Variants in VWA5B1 observed in about 807,000 individuals in gnomAD.
VWA5B1 encodes von Willebrand factor A domain-containing protein 5B1.
A neutral mutation model predicts 118.2 loss-of-function variants in VWA5B1; 115 were observed. The observed-to-expected ratio is 0.97, with a 90% CI of 0.84 to 1.14. VWA5B1 has a LOEUF of 1.14. Among genes scored for constraint, VWA5B1 ranks in the 50% most tolerant of loss-of-function variants. VWA5B1 has a pLI of 0.00. For synonymous variants in VWA5B1, 682 were observed against 658.4 expected (o/e 1.04, Z -0.55); for missense variants, 1,596 against 1,603.8 (o/e 1.00, Z 0.08).
In VWA5B1 at chr1:20,323,427, C is replaced by T. The variant is rs779760385; in HGVS notation, c.1038C>T (p.Pro346=). The change falls in exon 8 of 22, where the codon CCC becomes CCT. Residue 346 remains proline, a synonymous_variant. Coordinates refer to ENST00000289815, the MANE Select transcript of VWA5B1 (RefSeq NM_001039500.3). ...CCGTCATCATGCTCAACTTCTGTCC[C>T]GACCTCCAGTCAGTCCAGCCGTGCC... is the stretch of plus-strand genomic sequence containing the variant. The part of the protein sequence containing the change: ...HHSVIMLNFC[P]DLQSVQPCLR... 73 of 1,536,684 alleles carry T rather than the reference C, an allele frequency of 4.8e-5. No homozygotes were observed. The highest frequency in any genetic ancestry group is 7.6e-5 in the East Asian group (3 of 39,568).
At chr1:20,337,496 A>G in intron 13 of VWA5B1, 150 bp from the exon 14 acceptor site, 1 of 829,428 alleles carries the variant, frequency 1.2e-6, no homozygotes, top group Non-Finnish European at 1.8e-6. Context: ...AGATCCGGAG[A>G]GGCTTTGGAT....
intron 1 of VWA5B1, among the ~76,000 whole-genome samples, chr1:20,293,558 A>G (rs1443556226): frequency 6.6e-6 from 1 of 152,146 alleles, no homozygotes; most frequent in African/African-American, 2.4e-5. Context: ...GGCTATACAG[A>G]CACAGGTTTC....
intron 12 of VWA5B1, among the ~76,000 whole-genome samples, chr1:20,333,183 G>A (rs1378747503): frequency 2.0e-5 from 3 of 152,190 alleles, no homozygotes; most frequent in Non-Finnish European, 1.5e-5. Context: ...GTTATTAAGA[G>A]CCCCTGCAGT....
rs878977446 is a variant in VWA5B1, at chr1:20,330,135, C to G, written c.1255-45C>G. ...TCCTCTTCCTTAGGTGGTCTAGAGTCTCTGTACCATACGGTGACACTGGGG... is the reference window on the plus strand; with the variant it reads ...TCCTCTTCCTTAGGTGGTCTAGAGTGTCTGTACCATACGGTGACACTGGGG... On this transcript the variant is annotated intron_variant, in intron 9 of 21. Transcript: ENST00000289815. The G allele has an allele frequency of 3.2e-6, 5 of 1,548,504 alleles. No individual in the cohort carries two copies. The East Asian group carries it at 1.2e-4, about 38-fold the overall frequency.
At chr1:20,306,176 G>T (rs1482413253) in intron 1 of VWA5B1, among the ~76,000 whole-genome samples, 4 of 152,126 alleles carry the variant, frequency 2.6e-5, no homozygotes, top group African/African-American at 9.7e-5. Flanking sequence ...GAGGAGAGGG[G>T]TGCAATTTTA....
At position 20,317,678 on chromosome 1, in the gene VWA5B1, G is replaced by A. The variant is rs2089062834; in HGVS notation, c.709+3G>A. ...CCGTGGGCCATGTCTGCTCGCAGGT[G>A]AGAGGGAGACATCCAGACGGGATGG... is the stretch of plus-strand genomic sequence containing the variant. On this transcript the variant is annotated splice_donor_region_variant and intron_variant, in intron 5 of 21. Coordinates refer to ENST00000289815, the MANE Select transcript of VWA5B1 (RefSeq NM_001039500.3). 2 of 1,550,580 alleles carry A rather than the reference G, an allele frequency of 1.3e-6. No homozygotes were observed. Among genetic ancestry groups the A allele is most frequent in the African/African-American group, 2.7e-5 (2 of 72,940 alleles).
intron 11 of VWA5B1, 147 bp from the exon 12 acceptor site, chr1:20,332,619 A>G: frequency 1.6e-6 from 1 of 612,028 alleles, no homozygotes; most frequent in Non-Finnish European, 2.6e-6. Context: ...AGAAGCTCAG[A>G]AGTGTGCTCA....
intron 1 of VWA5B1, among the ~76,000 whole-genome samples, chr1:20,291,813 C>T (rs936751497): frequency 4.6e-5 from 7 of 152,188 alleles, no homozygotes; most frequent in Admixed American, 6.5e-5. Flanking sequence ...CAGAAGGAGG[C>T]GGCTAGTGGA....
At chr1:20,333,054 G>T in intron 12 of VWA5B1, 103 bp downstream of exon 12, 1 of 1,373,644 alleles carries the variant, frequency 7.3e-7, no homozygotes. Flanking sequence ...AAACCAACTG[G>T]AAGTGGGTTT....
At chr1:20,319,254 C>T in intron 6 of VWA5B1, 128 bp from the exon 7 acceptor site, 1 of 1,370,956 alleles carries the variant, frequency 7.3e-7, no homozygotes, top group East Asian at 2.5e-5. Context: ...TTCAGGCAGC[C>T]AGGGCTTCCA....
At chr1:20,296,685 A>G (rs1236405600) in intron 1 of VWA5B1, among the ~76,000 whole-genome samples, 2 of 152,234 alleles carry the variant, frequency 1.3e-5, no homozygotes, top group East Asian at 3.8e-4. Flanking sequence ...TGTAACTATA[A>G]TCTTATTTTG....
intron 14 of VWA5B1, 74 bp from the exon 15 acceptor site, chr1:20,342,358 T>A: frequency 1.4e-6 from 2 of 1,473,518 alleles, no homozygotes; most frequent in South Asian, 2.6e-5. Flanking sequence ...CACCAGGAGC[T>A]CTTCCTCCTC....
rs61742171 is a variant in VWA5B1 at position 20,353,782 on chromosome 1, C to A, written c.3167C>A (p.Ala1056Asp). Reference sequence around the variant, plus strand: ...GTGTCTCTGCAGCTGGCCTCCGGAGCCTTCCTGCTCAACGAAGCCTTCTGT... The same window carrying A: ...GTGTCTCTGCAGCTGGCCTCCGGAGACTTCCTGCTCAACGAAGCCTTCTGT... ...PLVSLQLASG[A>D]FLLNEAFCEA... Residue 1056 changes from alanine to aspartate, a missense_variant, in exon 22 of 22, where the codon GCC becomes GAC. Transcript: ENST00000289815. 1.2e-3 allele frequency: 1,781 copies of A among 1,465,078 alleles called. 18 individuals are homozygous for A. In the African/African-American group the frequency reaches 0.02, roughly 16 times the overall value. 90.8% of individuals were successfully genotyped at this position (1,465,078 alleles called of 1,614,324 possible).
intron 16 of VWA5B1, among the ~76,000 whole-genome samples, chr1:20,343,951 C>T (rs1001521559): frequency 7.9e-6 from 1 of 127,050 alleles, no homozygotes; most frequent in African/African-American, 3.1e-5. Context: ...TCATCTCTGG[C>T]TTCAGCCCCC....
At chr1:20,307,538 A>C (rs2088695043) in intron 1 of VWA5B1, among the ~76,000 whole-genome samples, 1 of 152,242 alleles carries the variant, frequency 6.6e-6, no homozygotes, top group Non-Finnish European at 1.5e-5. Flanking sequence ...ATGAGGATTA[A>C]ATGAGATAAT....
intron 19 of VWA5B1, 58 bp downstream of exon 19, chr1:20,350,288 G>A: frequency 3.3e-6 from 5 of 1,536,820 alleles, no homozygotes; most frequent in Non-Finnish European, 4.4e-6. Flanking sequence ...TTGGTCCTGG[G>A]GTCAGGAGAG....
At chr1:20,332,120 G>T (rs1001877243) in intron 11 of VWA5B1, among the ~76,000 whole-genome samples, 1 of 152,168 alleles carries the variant, frequency 6.6e-6, no homozygotes, top group African/African-American at 2.4e-5. Flanking sequence ...ATGGTTTGGC[G>T]CAAACCTGTG....
chr1:20,317,683 G>A lies in VWA5B1; in HGVS notation c.709+8G>A. ...GGCCATGTCTGCTCGCAGGTGAGAG[G>A]GAGACATCCAGACGGGATGGGTGAG... On this transcript the variant is annotated splice_region_variant and intron_variant, in intron 5 of 21. Transcript: ENST00000289815. 6.5e-7 allele frequency: 1 copy of A among 1,550,148 alleles called. No individual in the cohort carries two copies. The highest frequency in any genetic ancestry group is 8.7e-7 in the Non-Finnish European group (1 of 1,146,192).
intron 1 of VWA5B1, among the ~76,000 whole-genome samples, chr1:20,301,324 A>T (rs1397557738): frequency 6.6e-6 from 1 of 152,254 alleles, no homozygotes; most frequent in Non-Finnish European, 1.5e-5. Flanking sequence ...AACTGGGACA[A>T]GCATTTTATA....
Sources: gnomAD v4.1 joint callset for allele counts (sites outside exome capture counted in the v4.1 genomes callset) on GRCh38, gnomAD v4.1.1 for gene constraint, MANE v1.5 for transcripts, NCBI Gene and HGNC (gene_info 2026-07-23, HGNC 2026-07-21) for gene names.